The following CHLSN variants were observed in gnomAD, a reference collection of about 807,000 sequenced individuals.
The protein encoded by CHLSN is cholesin, also known as protein cholesin.
the CHLSN span, chr7:1,023,137 C>A: frequency 2.6e-6 from 1 of 382,508 alleles, no homozygotes; most frequent in Non-Finnish European, 5.3e-6. The surrounding 1 kb of genome is among the most constrained non-coding windows in gnomAD (Gnocchi z 5.0). Context: ...CTCAGAAGGA[C>A]GTTTTAAACG....
chr7:1,130,047 C>T, the CHLSN span, among the ~76,000 whole-genome samples: 1 of 152,138 alleles, frequency 6.6e-6, no homozygotes, highest in Non-Finnish European at 1.5e-5. Flanking sequence ...CTGGCACCCT[C>T]GGGTGGAGGG....
chr7:1,137,303 C>T, the CHLSN span: 1 of 152,554 alleles, frequency 6.6e-6, no homozygotes, highest in Non-Finnish European at 1.5e-5. Flanking sequence ...TCATCTTCTC[C>T]ATGGCACTTA....
chr7:995,040 C>T, the CHLSN span, among the ~76,000 whole-genome samples: 1 of 152,254 alleles, frequency 6.6e-6, no homozygotes, highest in African/African-American at 2.4e-5. Context: ...CAGGCTAAGG[C>T]GGGGCTTCCT....
chr7:986,815 A>T, the CHLSN span: 1 of 1,516,276 alleles, frequency 6.6e-7, no homozygotes, highest in Admixed American at 2.1e-5. Context: ...GGGACCCAAG[A>T]CCTCCTTGAA....
At chr7:997,733 C>G in the CHLSN span, 24 of 1,611,494 alleles carry the variant, frequency 1.5e-5, no homozygotes, top group Non-Finnish European at 1.9e-5. Flanking sequence ...CCTTCTGCAC[C>G]GTCAGCTCTC....
chr7:998,173 C>T, the CHLSN span, among the ~76,000 whole-genome samples: 1 of 152,208 alleles, frequency 6.6e-6, no homozygotes, highest in African/African-American at 2.4e-5. Flanking sequence ...TTGGCACGCT[C>T]GCCTTTCTGC....
At chr7:986,122 G>A in the CHLSN span, among the ~76,000 whole-genome samples, 1 of 152,280 alleles carries the variant, frequency 6.6e-6, no homozygotes, top group African/African-American at 2.4e-5. Context: ...TTACCACAGA[G>A]ACGCCGCGTG....
chr7:1,050,842 G>T, the CHLSN span, among the ~76,000 whole-genome samples: 1 of 152,184 alleles, frequency 6.6e-6, no homozygotes, highest in Non-Finnish European at 1.5e-5. Context: ...CGCTCGGCAG[G>T]GACCAGGAAC....
the CHLSN span, among the ~76,000 whole-genome samples, chr7:1,022,553 G>C: frequency 6.6e-6 from 1 of 152,126 alleles, no homozygotes; most frequent in Non-Finnish European, 1.5e-5. Flanking sequence ...GGACGCCCAC[G>C]TGCCCTCCAC....
At chr7:1,002,829 A>G in the CHLSN span, among the ~76,000 whole-genome samples, 1 of 37,544 alleles carries the variant, frequency 2.7e-5, no homozygotes, top group African/African-American at 1.2e-4. Context: ...CCTGTGGGTG[A>G]GTGGAGTCCT....
chr7:1,086,517 T>C, the CHLSN span, among the ~76,000 whole-genome samples: 4 of 152,348 alleles, frequency 2.6e-5, no homozygotes, highest in African/African-American at 9.6e-5. Context: ...CAGCATTCTG[T>C]TTAGGAAATG....
chr7:1,047,755 T>G, the CHLSN span, among the ~76,000 whole-genome samples: 1 of 152,144 alleles, frequency 6.6e-6, no homozygotes, highest in Non-Finnish European at 1.5e-5. Context: ...CTCTTTCCAC[T>G]CAAATCTAAG....
At chr7:1,028,395 T>C in the CHLSN span, 1 of 987,198 alleles carries the variant, frequency 1.0e-6, no homozygotes, top group East Asian at 1.1e-4. Context: ...CCGGCGCGGC[T>C]GGAACCAGAT....
At chr7:1,124,910 G>A in the CHLSN span, among the ~76,000 whole-genome samples, 3 of 152,148 alleles carry the variant, frequency 2.0e-5, no homozygotes, top group Non-Finnish European at 4.4e-5. Flanking sequence ...CTCAGCCTCC[G>A]GGTGACCTTG....
the CHLSN span, chr7:986,983 CGCTGAGGGATG>C: frequency 7.3e-7 from 1 of 1,367,736 alleles, no homozygotes; most frequent in Non-Finnish European, 9.6e-7. Context: ...GCCTCGGGGA[CGCTGAGGGATG>C]GCTGAGCCCA....
the CHLSN span, among the ~76,000 whole-genome samples, chr7:1,108,292 G>A: frequency 1.7e-4 from 25 of 148,738 alleles, 5 homozygotes; most frequent in African/African-American, 6.2e-4. Flanking sequence ...GGGGGAAGCA[G>A]GGGAGGGCTG....
chr7:1,054,043 C>T, the CHLSN span, among the ~76,000 whole-genome samples: 2 of 152,188 alleles, frequency 1.3e-5, no homozygotes, highest in Non-Finnish European at 2.9e-5. Context: ...TGCTGACCTG[C>T]CTTCCTTCCA....
At chr7:1,091,499 CCTCCA>C in the CHLSN span, 2 of 519,462 alleles carry the variant, frequency 3.9e-6, no homozygotes, top group African/African-American at 1.9e-5. Flanking sequence ...AGGGCCCTCG[CCTCCA>C]CGGATGCACC....
chr7:1,023,144 A>G, the CHLSN span: 2 of 380,256 alleles, frequency 5.3e-6, no homozygotes, highest in South Asian at 3.6e-5. This position sits in a 1 kb window ranked among gnomAD's most constrained non-coding sequence, Gnocchi z 5.0. Context: ...GGACGTTTTA[A>G]ACGCGTGAGG....
Sources: allele counts gnomAD v4.1 joint callset (sites outside exome capture counted in the v4.1 genomes callset), GRCh38; gene constraint gnomAD v4.1.1; non-coding constraint Gnocchi (gnomAD v3.1); transcripts MANE v1.5; gene names NCBI Gene and HGNC (gene_info 2026-07-23, HGNC 2026-07-21).